VPS13B: variants seen among roughly 807,000 people sequenced by gnomAD.
The protein encoded by VPS13B is intermembrane lipid transfer protein VPS13B.
In VPS13B, 285 loss-of-function variants were observed where a neutral mutation model predicts 426.4. That is an observed-to-expected ratio of 0.67 (90% confidence interval 0.61 to 0.74). VPS13B has a LOEUF of 0.74. VPS13B is among the 30% of genes least tolerant of loss of function. The pLI is 0.00. For synonymous variants in VPS13B, 1,676 were observed against 1,676.4 expected, an observed-to-expected ratio of 1.00 and a Z score of 0.01; for missense variants, 4,537 against 4,782.6, an observed-to-expected ratio of 0.95 and a Z score of 1.51.
chr8:99,489,752 T>G (rs1466657908), intron 25 of VPS13B, among the ~76,000 whole-genome samples: 2 of 152,202 alleles, frequency 1.3e-5, no homozygotes, highest in Non-Finnish European at 2.9e-5. Flanking sequence ...CACATTGATT[T>G]TGTATCCTGA....
intron 3 of VPS13B, among the ~76,000 whole-genome samples, chr8:99,068,470 A>G (rs77313675): frequency 6.6e-6 from 1 of 152,142 alleles, no homozygotes; most frequent in Non-Finnish European, 1.5e-5. Flanking sequence ...GTTTTTTGGA[A>G]CACATCCACT....
chr8:99,732,526 G>A (rs1000637223), intron 39 of VPS13B, among the ~76,000 whole-genome samples: 8 of 152,192 alleles, frequency 5.3e-5, no homozygotes, highest in Admixed American at 2.0e-4. Flanking sequence ...AATGGGGCTC[G>A]TTTGCAGAGG....
rs541081770 is a variant in VPS13B, at chr8:99,642,364, A to T, written c.5774A>T (p.Gln1925Leu). The T allele has an allele frequency of 2.5e-6, 4 of 1,614,158 alleles. No homozygotes were observed. In the Admixed American group the frequency reaches 6.7e-5, roughly 27 times the overall value. ...GGTCGAAGAGGAACTGGTGACTTACAGCTAGAGCCTTTTCTGTACTTTATT... is the reference window on the plus strand; with the variant it reads ...GGTCGAAGAGGAACTGGTGACTTACTGCTAGAGCCTTTTCTGTACTTTATT... ...QPGRRGTGDL[Q>L]LEPFLYFIVS... Residue 1925 changes from glutamine (Q) to leucine (L), a missense_variant, in exon 34 of 62, where the codon CAG becomes CTG. Gln to Leu is a moderately radical substitution (Grantham distance 113, BLOSUM62 -2). Transcript: ENST00000357162.
chr8:99,401,878 A>G (rs1286590628), intron 21 of VPS13B, among the ~76,000 whole-genome samples: 1 of 152,130 alleles, frequency 6.6e-6, no homozygotes, highest in Non-Finnish European at 1.5e-5. Context: ...ATACATAAAT[A>G]AATAAATAAA....
intron 3 of VPS13B, among the ~76,000 whole-genome samples, chr8:99,081,025 T>C (rs1364002284): frequency 6.6e-6 from 1 of 152,190 alleles, no homozygotes; most frequent in Non-Finnish European, 1.5e-5. Flanking sequence ...GCTTATTTCG[T>C]TTTTCATGAG....
At chr8:99,487,868 T>G (rs1403529005) in intron 25 of VPS13B, among the ~76,000 whole-genome samples, 3 of 152,198 alleles carry the variant, frequency 2.0e-5, no homozygotes, top group African/African-American at 4.8e-5. Context: ...ATCTGGGTTA[T>G]TTCTACCCTT....
intron 39 of VPS13B, among the ~76,000 whole-genome samples, chr8:99,741,858 C>T (rs1481491862): frequency 1.3e-5 from 2 of 152,026 alleles, no homozygotes; most frequent in Admixed American, 1.3e-4. Context: ...ACTAAATGCC[C>T]ACAAGAGAAG....
At chr8:99,497,522 G>T (rs547612676) in intron 25 of VPS13B, among the ~76,000 whole-genome samples, 1 of 151,740 alleles carries the variant, frequency 6.6e-6, no homozygotes, top group South Asian at 2.1e-4. Flanking sequence ...ATTGATTCAA[G>T]AATTAAAATT....
intron 51 of VPS13B, among the ~76,000 whole-genome samples, chr8:99,827,635 T>G (rs1814776298): frequency 6.6e-6 from 1 of 152,084 alleles, no homozygotes; most frequent in African/African-American, 2.4e-5. Flanking sequence ...CTTTTGAATT[T>G]TTTTGCTCTT....
rs1477579224 is a variant in VPS13B, at chr8:99,114,974, A to G, written c.763-726A>G. Among the ~76,000 whole-genome samples, 5 of 152,278 alleles carry G rather than the reference A, an allele frequency of 3.3e-5. No homozygotes were observed. In the South Asian group the frequency reaches 1.0e-3, roughly 32 times the overall value. ...CTTTAAGGAGAGCTTTGATTGCTGTATATCCTATTTGCTAGTAGTTAATCT... is the reference window on the plus strand; with the variant it reads ...CTTTAAGGAGAGCTTTGATTGCTGTGTATCCTATTTGCTAGTAGTTAATCT... On this transcript the variant is annotated intron_variant, in intron 6 of 61. Coordinates refer to ENST00000357162, the MANE Select transcript of VPS13B (RefSeq NM_152564.5).
intron 17 of VPS13B, among the ~76,000 whole-genome samples, chr8:99,247,215 T>C (rs1817272534): frequency 6.6e-6 from 1 of 152,204 alleles, no homozygotes; most frequent in African/African-American, 2.4e-5. Context: ...ATAGACATTA[T>C]TGTATTTTAG....
chr8:99,572,912 C>G (rs902640509), intron 31 of VPS13B, among the ~76,000 whole-genome samples: 4 of 152,148 alleles, frequency 2.6e-5, no homozygotes, highest in African/African-American at 7.2e-5. Context: ...AATTTACAGT[C>G]CCACCAACAG....
intron 21 of VPS13B, among the ~76,000 whole-genome samples, chr8:99,428,297 T>C (rs1173709529): frequency 6.6e-6 from 1 of 152,090 alleles, no homozygotes; most frequent in Non-Finnish European, 1.5e-5. Context: ...GGGATCTAAT[T>C]AAACTAAAGA....
intron 33 of VPS13B, among the ~76,000 whole-genome samples, chr8:99,625,280 G>A (rs1828562680): frequency 6.6e-6 from 1 of 152,068 alleles, no homozygotes; most frequent in Non-Finnish European, 1.5e-5. Flanking sequence ...CATGAAATAG[G>A]ATTGTTTCAG....
rs538175229 is a variant in VPS13B, at chr8:99,485,424, C to A, written c.3870+3622C>A. ...TGAATTATAACTCAGAGCTTGCTAA[C>A]GAGTGCGCTGAAACACCATGAGATG... On this transcript the variant is annotated intron_variant, in intron 25 of 61. Coordinates refer to ENST00000357162, the MANE Select transcript of VPS13B (RefSeq NM_152564.5). 8.5e-5 allele frequency among the ~76,000 whole-genome samples: 13 copies of A among 152,240 alleles called. No homozygotes were observed. In the South Asian group the frequency reaches 2.7e-3, roughly 32 times the overall value.
Position 99,817,634 on chromosome 8 carries a change from C to T in VPS13B, c.8192C>T (p.Ala2731Val). 1 of 1,614,024 alleles carries T rather than the reference C, an allele frequency of 6.2e-7. No homozygotes were observed. Among genetic ancestry groups the T allele is most frequent in the Non-Finnish European group, 8.5e-7 (1 of 1,179,978 alleles). Residue 2731 changes from alanine (A) to valine (V), a missense_variant, in exon 45 of 62, where the codon GCT becomes GTT. Around this residue, in one of 2 missense-constraint regions of VPS13B, gnomAD observed 4,311 missense variants for 4,474.3 expected, o/e 0.96. Coordinates refer to ENST00000357162, the MANE Select transcript of VPS13B (RefSeq NM_152564.5). ...VQHYIGQDGQ[A>V]VVREHFDCLT... ...CATTACATTGGTCAAGATGGACAAG[C>T]TGTAGTTCGGGAACATTTTGACTGC...
At chr8:99,234,663 A>G (rs1816543838) in intron 17 of VPS13B, among the ~76,000 whole-genome samples, 2 of 152,248 alleles carry the variant, frequency 1.3e-5, no homozygotes, top group South Asian at 4.1e-4. Flanking sequence ...CTAAGTCAAA[A>G]TGTTCATAAA....
chr8:99,158,181 A>G (rs1221755637), intron 15 of VPS13B, among the ~76,000 whole-genome samples: 2 of 152,230 alleles, frequency 1.3e-5, no homozygotes, highest in Non-Finnish European at 2.9e-5. Context: ...CTTCTCTTGG[A>G]AGAAGATACC....
chr8:99,345,319 C>G (rs1811479843), intron 19 of VPS13B, among the ~76,000 whole-genome samples: 1 of 152,150 alleles, frequency 6.6e-6, no homozygotes, highest in African/African-American at 2.4e-5. Flanking sequence ...CCTTAACCTT[C>G]TTTTTCAAAA....
Sources: gnomAD v4.1 joint callset for allele counts (sites outside exome capture counted in the v4.1 genomes callset) on GRCh38, gnomAD v4.1.1 for gene constraint, gnomAD v4.1.1 regional missense constraint, MANE v1.5 for transcripts, NCBI Gene and HGNC (gene_info 2026-07-23, HGNC 2026-07-21) for gene names.